The following MED4 variants were observed in gnomAD, a reference collection of about 807,000 sequenced individuals.
MED4 encodes the protein mediator complex subunit 4, also known as mediator of RNA polymerase II transcription subunit 4.
Under a neutral mutation model 35.0 loss-of-function variants are expected in MED4, and 21 were observed. The observed-to-expected ratio is 0.60, with a 90% CI of 0.43 to 0.86. The LOEUF (loss-of-function observed/expected upper bound fraction) is 0.86, where lower values mean the gene tolerates loss of function less well. Ranked by LOEUF, MED4 falls within the 40% of genes least tolerant of loss-of-function variation. The probability of loss-of-function intolerance (pLI) is 0.00; values close to 1 mark genes in which losing one functional copy is unlikely to be tolerated. For missense variants in MED4, 300 were observed against 319.4 expected, an observed-to-expected ratio of 0.94 and a Z score of 0.46; for synonymous variants, 138 against 114.0, an observed-to-expected ratio of 1.21 and a Z score of -1.34.
chr13:48,083,866 T>C (rs1950828770), intron 3 of MED4, among the ~76,000 whole-genome samples: 1 of 152,182 alleles, frequency 6.6e-6, no homozygotes, highest in Non-Finnish European at 1.5e-5. Flanking sequence ...GTTTAATGAC[T>C]TTATCACAAA....
Position 48,076,852 on chromosome 13 carries a change from C to T in MED4, c.*287G>A. On this transcript the variant is annotated 3_prime_UTR_variant, in exon 7 of 7. Transcript: ENST00000258648. ...TTTCTAGAATGGCTATGTACAAATC[C>T]AGCAAAACTGGAACAGAACAGGGTA... is the stretch of plus-strand genomic sequence containing the variant. The T allele has an allele frequency of 3.9e-6, 1 of 254,222 alleles. No homozygotes were observed. The highest frequency in any genetic ancestry group is 9.5e-5 in the South Asian group (1 of 10,552). 15.7% of individuals were successfully genotyped at this position (254,222 alleles called of 1,614,324 possible). A position where few individuals can be genotyped will look rare whatever the true frequency, so the allele number is the denominator to read the frequency against.
At chr13:48,080,162 C>T (rs976323658) in intron 5 of MED4, among the ~76,000 whole-genome samples, 187 bp from the exon 6 acceptor site, 6 of 152,102 alleles carry the variant, frequency 3.9e-5, no homozygotes, top group Admixed American at 1.3e-4. Flanking sequence ...TTTAGGAGGA[C>T]GAGGTGGGTG....
chr13:48,093,553 A>G, intron 1 of MED4: 2 of 468,178 alleles, frequency 4.3e-6, no homozygotes, highest in African/African-American at 2.0e-5. Context: ...ACTACCTCTG[A>G]GTGAACACAT....
intron 1 of MED4, among the ~76,000 whole-genome samples, chr13:48,092,347 G>A (rs1950895643): frequency 6.6e-6 from 1 of 151,990 alleles, no homozygotes; most frequent in African/African-American, 2.4e-5. Context: ...CCCGACCACA[G>A]GTGATCCGCC....
intron 1 of MED4, among the ~76,000 whole-genome samples, 183 bp downstream of exon 1, chr13:48,094,771 A>G (rs1223696951): frequency 6.6e-6 from 1 of 152,068 alleles, no homozygotes; most frequent in Non-Finnish European, 1.5e-5. Flanking sequence ...CTCTAACGGG[A>G]AAAACCGCCG....
Position 48,077,082 on chromosome 13 carries a change from T to C in MED4, c.*57A>G, listed in dbSNP as rs2137825139. On this transcript the variant is annotated 3_prime_UTR_variant, in exon 7 of 7. Transcript: ENST00000258648. ...CCTGTAGTTTACATTTCCCTGCTAC[T>C]GTTAAAGAAACAGAATTCTACAGTA... 7.0e-7 allele frequency: 1 copy of C among 1,428,396 alleles called. No homozygotes were observed. The highest frequency in any genetic ancestry group is 2.6e-5 in the East Asian group (1 of 38,620). 88.5% of individuals were successfully genotyped at this position (1,428,396 alleles called of 1,614,324 possible). A position where few individuals can be genotyped will look rare whatever the true frequency, so the allele number is the denominator to read the frequency against.
intron 3 of MED4, among the ~76,000 whole-genome samples, chr13:48,085,097 G>A (rs529952433): frequency 1.3e-5 from 2 of 151,652 alleles, no homozygotes; most frequent in African/African-American, 4.9e-5. Flanking sequence ...TTGTACTCCC[G>A]ACCTCAGGTG....
intron 1 of MED4, among the ~76,000 whole-genome samples, chr13:48,092,768 A>T (rs1242631239): frequency 6.6e-6 from 1 of 152,228 alleles, no homozygotes; most frequent in African/African-American, 2.4e-5. Flanking sequence ...GACGGTTGAG[A>T]ACCTCTGGTC....
intron 6 of MED4, 40 bp downstream of exon 6, chr13:48,079,804 A>G: frequency 6.2e-7 from 1 of 1,605,588 alleles, no homozygotes; most frequent in Admixed American, 1.7e-5. Context: ...TCTCTGGAAA[A>G]CCCTGATCTG....
At chr13:48,087,287 C>T (rs190309008) in intron 2 of MED4, among the ~76,000 whole-genome samples, 48 of 152,088 alleles carry the variant, frequency 3.2e-4, no homozygotes, top group Middle Eastern at 3.4e-3. Flanking sequence ...ATCGCTTGAA[C>T]CCGGAGGCAG....
intron 4 of MED4, among the ~76,000 whole-genome samples, chr13:48,082,735 G>C (rs573386568): frequency 6.6e-6 from 1 of 152,178 alleles, no homozygotes; most frequent in African/African-American, 2.4e-5. Flanking sequence ...GCTGAGGCAG[G>C]AGAGTGGCGT....
intron 6 of MED4, among the ~76,000 whole-genome samples, chr13:48,078,520 A>G (rs1950778666): frequency 6.6e-6 from 1 of 152,186 alleles, no homozygotes; most frequent in South Asian, 2.1e-4. Context: ...CTTCCCAGCA[A>G]GTCTCCCTGG....
intron 3 of MED4, among the ~76,000 whole-genome samples, chr13:48,083,825 ATATTCT>A (rs1393785901): frequency 1.3e-5 from 2 of 152,182 alleles, no homozygotes; most frequent in African/African-American, 4.8e-5. Context: ...CCTTGAATTC[ATATTCT>A]TATTCGTTTA....
chr13:48,095,098 C>A lies in MED4; in HGVS notation c.-20G>T, dbSNP rs199658403. On this transcript the variant is annotated 5_prime_UTR_variant, in exon 1 of 7. Transcript: ENST00000258648. ...AGCCATTTTCCCCAGAGTCCCGCCA[C>A]CGGCGCACGCGCAGAGCGAGCTGAC... The A allele has an allele frequency of 1.7e-3, 2,655 of 1,600,792 alleles. No individual in the cohort carries two copies. Among genetic ancestry groups the A allele is most frequent in the Non-Finnish European group, 2.1e-3 (2,438 of 1,179,580 alleles).
intron 4 of MED4, 125 bp from the exon 5 acceptor site, chr13:48,081,856 C>G: frequency 1.9e-6 from 1 of 515,714 alleles, no homozygotes; most frequent in Non-Finnish European, 3.2e-6. Flanking sequence ...ATCTCAGTCA[C>G]CTGCCTTCCT....
chr13:48,089,945 C>T (rs2094389124), intron 2 of MED4, among the ~76,000 whole-genome samples: 1 of 152,168 alleles, frequency 6.6e-6, no homozygotes, highest in African/African-American at 2.4e-5. Flanking sequence ...TCTTTTATTT[C>T]CCTGCATGTT....
At chr13:48,084,265 CAAAAAAAAA>C (rs71099664) in intron 3 of MED4, among the ~76,000 whole-genome samples, 18 of 109,938 alleles carry the variant, frequency 1.6e-4, no homozygotes, top group Non-Finnish European at 1.5e-4. Flanking sequence ...GACTCTGTCT[CAAAAAAAAA>C]AAAAAAAAAA....
In MED4 at chr13:48,075,739, T is replaced by C. The variant is rs1950753486; in HGVS notation, c.*1400A>G. 6.6e-6 allele frequency among the ~76,000 whole-genome samples: 1 copy of C among 152,138 alleles called. No individual in the cohort carries two copies. Among genetic ancestry groups the C allele is most frequent in the African/African-American group, 2.4e-5 (1 of 41,450 alleles). On this transcript the variant is annotated 3_prime_UTR_variant, in exon 7 of 7. Transcript: ENST00000258648. ...CACAATAAAATTTTAGCCATTAAAG[T>C]AAATCTTTCAAGAATGTATACACAT...
intron 2 of MED4, 106 bp downstream of exon 2, chr13:48,090,246 G>T: frequency 1.2e-6 from 1 of 851,696 alleles, no homozygotes; most frequent in Non-Finnish European, 1.8e-6. Flanking sequence ...CAACATTCCT[G>T]TTCCCACACA....
Sources: allele counts gnomAD v4.1 joint callset (sites outside exome capture counted in the v4.1 genomes callset), GRCh38; gene constraint gnomAD v4.1.1; transcripts MANE v1.5; gene names NCBI Gene and HGNC (gene_info 2026-07-23, HGNC 2026-07-21).